GRK1: variants seen among roughly 807,000 people sequenced by gnomAD.
The protein encoded by GRK1 is G protein-coupled receptor kinase 1, also known as rhodopsin kinase GRK1.
In GRK1, 28 loss-of-function variants were observed where a neutral mutation model predicts 41.7. The observed-to-expected ratio is 0.67, with a 90% CI of 0.50 to 0.92. The LOEUF (loss-of-function observed/expected upper bound fraction) is 0.92. Among genes scored for constraint, GRK1 ranks in the 40% least tolerant of loss-of-function variants. GRK1 has a pLI of 0.00. For missense variants in GRK1, 703 were observed against 671.2 expected (o/e 1.05, Z -0.52); for synonymous variants, 327 against 286.7 (o/e 1.14, Z -1.42).
chr13:113,657,563 C>T, the GRK1 span, among the ~76,000 whole-genome samples: 1 of 152,220 alleles, frequency 6.6e-6, no homozygotes, highest in Non-Finnish European at 1.5e-5. Flanking sequence ...CTGAGGCAGG[C>T]CTGGTTTACT....
the GRK1 span, among the ~76,000 whole-genome samples, chr13:113,657,588 C>G: frequency 1.3e-5 from 2 of 152,254 alleles, no homozygotes; most frequent in Non-Finnish European, 2.9e-5. Flanking sequence ...ACCTCCGCAT[C>G]TGGACGCCAG....
chr13:113,668,190 C>T, intron 1 of GRK1, 105 bp downstream of exon 1: 1 of 1,212,272 alleles, frequency 8.2e-7, no homozygotes, highest in Non-Finnish European at 1.1e-6. Context: ...GGGCCCTTAA[C>T]AGCTGGTGCC....
At chr13:113,733,532 T>C (rs1330199438) in intron 6 of GRK1, among the ~76,000 whole-genome samples, 3 of 141,240 alleles carry the variant, frequency 2.1e-5, no homozygotes, top group Non-Finnish European at 3.2e-5. Context: ...TGTGTGCGCG[T>C]GTGTGCATGC....
rs770261023 is a variant in GRK1, at chr13:113,733,098, G to A, written c.1396+13G>A. ...CAGCTGGAGGCTGGTACTGTTGGACGCCTCAGCCCCGGAGAGGGTGGGGTT... is the reference window on the plus strand; with the variant it reads ...CAGCTGGAGGCTGGTACTGTTGGACACCTCAGCCCCGGAGAGGGTGGGGTT... On this transcript the variant is annotated intron_variant, in intron 6 of 6. Coordinates refer to ENST00000335678, the MANE Select transcript of GRK1 (RefSeq NM_002929.3). The A allele has an allele frequency of 9.8e-6, 15 of 1,532,428 alleles. No homozygotes were observed. The highest frequency in any genetic ancestry group is 3.7e-4 in the Middle Eastern group (2 of 5,408). 94.9% of individuals were successfully genotyped at this position (1,532,428 alleles called of 1,614,324 possible). A position where few individuals can be genotyped will look rare whatever the true frequency, so the allele number is the denominator to read the frequency against.
chr13:113,723,817 C>T lies in GRK1; in HGVS notation c.1069+660C>T, dbSNP rs532859760. Among the ~76,000 whole-genome samples the T allele has an allele frequency of 1.6e-4, 23 of 147,856 alleles. No individual in the cohort carries two copies. In the Admixed American group the frequency reaches 1.6e-3, roughly 10 times the overall value. On this transcript the variant is annotated intron_variant, in intron 4 of 6. Transcript: ENST00000335678. ...GTGTGCCTGCATGTGTGCCTGTGTG[C>T]CCATGCCTGTGTCTCTGTGCACACG... is the stretch of plus-strand genomic sequence containing the variant.
chr13:113,657,995 C>T, the GRK1 span: 225 of 1,523,658 alleles, frequency 1.5e-4, 2 homozygotes, highest in South Asian at 2.5e-3. Flanking sequence ...CAGAGCGGCC[C>T]CCTCCATGCA....
the GRK1 span, chr13:113,650,454 G>T: frequency 1.9e-6 from 3 of 1,614,126 alleles, no homozygotes; most frequent in South Asian, 2.2e-5. This position sits in a 1 kb window ranked among gnomAD's most constrained non-coding sequence, Gnocchi z 5.0. Context: ...TGAAGGTGCC[G>T]TTGGGAGGGT....
At chr13:113,658,614 C>T in the GRK1 span, among the ~76,000 whole-genome samples, 2 of 152,180 alleles carry the variant, frequency 1.3e-5, no homozygotes, top group African/African-American at 4.8e-5. Flanking sequence ...GAGTGAGGGG[C>T]GACCGGCTCC....
chr13:113,666,652 C>T (rs929354823), upstream of GRK1, among the ~76,000 whole-genome samples: 1 of 152,052 alleles, frequency 6.6e-6, no homozygotes, highest in Non-Finnish European at 1.5e-5. Flanking sequence ...CCAGCAACTG[C>T]CTCTTGACAA....
chr13:113,658,124 C>T, the GRK1 span: 1 of 1,612,980 alleles, frequency 6.2e-7, no homozygotes, highest in East Asian at 2.2e-5. Context: ...CACACGTCTT[C>T]TTCTCCTGCA....
chr13:113,733,204 T>C, intron 6 of GRK1, 119 bp downstream of exon 6: 1 of 976,062 alleles, frequency 1.0e-6, no homozygotes. Flanking sequence ...CCCCCAAGGC[T>C]CTCCCTCTGC....
chr13:113,733,998 G>GCGTA (rs1373480585), intron 6 of GRK1, among the ~76,000 whole-genome samples: 1 of 144,516 alleles, frequency 6.9e-6, no homozygotes, highest in Non-Finnish European at 1.5e-5. Flanking sequence ...GCATACATGT[G>GCGTA]TGTGCGTGTG....
At chr13:113,669,327 C>T (rs568117772) in intron 1 of GRK1, among the ~76,000 whole-genome samples, 2 of 152,300 alleles carry the variant, frequency 1.3e-5, no homozygotes, top group African/African-American at 4.8e-5. Flanking sequence ...GAGCCCAGCC[C>T]ACGGGGGCCT....
the GRK1 span, among the ~76,000 whole-genome samples, chr13:113,657,600 G>C: frequency 0.023 from 3,433 of 152,352 alleles, 123 homozygotes; most frequent in African/African-American, 0.079. Context: ...GGACGCCAGC[G>C]GGTGTCCCGG....
intron 4 of GRK1, chr13:113,726,527 G>C (rs1225944110): frequency 6.0e-6 from 1 of 167,168 alleles, no homozygotes; most frequent in Non-Finnish European, 1.3e-5. Flanking sequence ...GAGAATTTGT[G>C]AACAGAGCAG....
intron 6 of GRK1, among the ~76,000 whole-genome samples, chr13:113,733,658 TGTGC>T (rs1566699536): frequency 6.0e-5 from 6 of 99,230 alleles, no homozygotes; most frequent in African/African-American, 3.4e-4. Flanking sequence ...CATACGTGTG[TGTGC>T]GTGTGTGCAC....
chr13:113,734,002 G>A (rs1481812604), intron 6 of GRK1, among the ~76,000 whole-genome samples: 1 of 135,696 alleles, frequency 7.4e-6, no homozygotes, highest in African/African-American at 3.6e-5. Context: ...ACATGTGTGT[G>A]CGTGTGCGTG....
rs141239059 is a variant in GRK1, at chr13:113,731,836, G to A, written c.1194+493G>A. Among the ~76,000 whole-genome samples the A allele has an allele frequency of 3.3e-5, 5 of 152,258 alleles. No homozygotes were observed. Among genetic ancestry groups the A allele is most frequent in the South Asian group, 2.1e-4 (1 of 4,826 alleles). On this transcript the variant is annotated intron_variant, in intron 5 of 6. Transcript: ENST00000335678. The surrounding 1 kb of genome is among the most constrained non-coding windows in gnomAD (Gnocchi z 5.6). ...CGGAGTCGGCTCCCCCTCCCTGGACGGTCTTATCCATCGCTGTTGCAGAAG... is the reference window on the plus strand; with the variant it reads ...CGGAGTCGGCTCCCCCTCCCTGGACAGTCTTATCCATCGCTGTTGCAGAAG...
chr13:113,667,887 C>A lies in GRK1; in HGVS notation c.501C>A (p.Gly167=), dbSNP rs761226228. 1.9e-6 allele frequency: 3 copies of A among 1,596,998 alleles called. No homozygotes were observed. The highest frequency in any genetic ancestry group is 2.3e-5 in the East Asian group (1 of 44,380). ...AAGCCCCCTTCCAGGAGTACCTGGGCAGCCTGTACTTCCTGAGGTTCCTGC... is the reference window on the plus strand; with the variant it reads ...AAGCCCCCTTCCAGGAGTACCTGGGAAGCCTGTACTTCCTGAGGTTCCTGC... The part of the protein sequence containing the change: ...LGQAPFQEYL[G]SLYFLRFLQW... The change falls in exon 1 of 7, where the codon GGC becomes GGA. Residue 167 remains glycine, a synonymous_variant. Transcript: ENST00000335678. This position sits in a 1 kb window ranked among gnomAD's most constrained non-coding sequence, Gnocchi z 7.5.
Sources: gnomAD v4.1 joint callset for allele counts (sites outside exome capture counted in the v4.1 genomes callset) on GRCh38, gnomAD v4.1.1 for gene constraint, Gnocchi (gnomAD v3.1) non-coding constraint, MANE v1.5 for transcripts, NCBI Gene and HGNC (gene_info 2026-07-23, HGNC 2026-07-21) for gene names.